FAM185A: variants seen among roughly 807,000 people sequenced by gnomAD.
FAM185A encodes protein FAM185A.
In FAM185A, 21 loss-of-function variants were observed where a neutral mutation model predicts 45.7. The observed-to-expected ratio is 0.46, with a 90% CI of 0.33 to 0.66. The LOEUF is 0.66. Among genes scored for constraint, FAM185A ranks in the 30% least tolerant of loss-of-function variants. FAM185A has a pLI of 0.03. For synonymous variants in FAM185A, 117 were observed against 194.0 expected (o/e 0.60, Z 3.30); for missense variants, 305 against 485.4 (o/e 0.63, Z 3.49).
At chr7:102,833,182 A>G in the FAM185A span, among the ~76,000 whole-genome samples, 7 of 152,204 alleles carry the variant, frequency 4.6e-5, no homozygotes, top group Admixed American at 2.0e-4. Flanking sequence ...CAGCTTAGTG[A>G]TATTCAAATG....
chr7:102,793,356 C>T (rs1197851325), intron 7 of FAM185A, among the ~76,000 whole-genome samples: 2 of 152,032 alleles, frequency 1.3e-5, no homozygotes, highest in Admixed American at 6.5e-5. Context: ...GGACTACAGG[C>T]GCCCGCCACC....
intron 6 of FAM185A, 41 bp from the exon 7 acceptor site, chr7:102,787,294 A>G (rs1795868229): frequency 7.7e-7 from 1 of 1,302,354 alleles, no homozygotes; most frequent in Non-Finnish European, 1.0e-6. Context: ...GGTACTTTTG[A>G]TTTCTTTATA....
intron 7 of FAM185A, 134 bp from the exon 8 acceptor site, chr7:102,808,156 T>A: frequency 3.1e-6 from 2 of 652,838 alleles, no homozygotes; most frequent in South Asian, 3.8e-5. Flanking sequence ...TCTTTGCAAC[T>A]CCTGCCCAGT....
chr7:102,845,103 T>G, the FAM185A span, among the ~76,000 whole-genome samples: 1 of 152,076 alleles, frequency 6.6e-6, no homozygotes, highest in Non-Finnish European at 1.5e-5. Context: ...GGGGGCTTCG[T>G]CATATAGACA....
intron 4 of FAM185A, among the ~76,000 whole-genome samples, chr7:102,762,345 T>C (rs1302673772): frequency 6.6e-6 from 1 of 152,244 alleles, no homozygotes; most frequent in Non-Finnish European, 1.5e-5. Flanking sequence ...TGGTGTTCAG[T>C]GTCACTCAGC....
At chr7:102,802,817 GA>G (rs543749109) in intron 7 of FAM185A, among the ~76,000 whole-genome samples, 2 of 151,376 alleles carry the variant, frequency 1.3e-5, no homozygotes, top group African/African-American at 4.8e-5. Flanking sequence ...GATTAACCAA[GA>G]AAAAAAAGAG....
chr7:102,759,995 G>A (rs757809796), intron 3 of FAM185A, among the ~76,000 whole-genome samples: 2 of 151,968 alleles, frequency 1.3e-5, no homozygotes, highest in African/African-American at 2.4e-5. Context: ...AATCAAATGA[G>A]CACTATAAAT....
chr7:102,761,941 G>A (rs1454634511), intron 4 of FAM185A, among the ~76,000 whole-genome samples: 1 of 152,212 alleles, frequency 6.6e-6, no homozygotes, highest in African/African-American at 2.4e-5. Context: ...AGGATTACAG[G>A]TGTGAGCCAC....
intron 2 of FAM185A, chr7:102,755,715 C>G: frequency 1.8e-6 from 1 of 563,050 alleles, no homozygotes; most frequent in South Asian, 1.8e-5. Flanking sequence ...ACTGGGATGT[C>G]TAGTTCACAG....
the FAM185A span, among the ~76,000 whole-genome samples, chr7:102,833,226 G>A: frequency 6.6e-6 from 1 of 152,084 alleles, no homozygotes; most frequent in Non-Finnish European, 1.5e-5. Context: ...TTGAAGTTAG[G>A]TCTAATGAAG....
intron 7 of FAM185A, among the ~76,000 whole-genome samples, chr7:102,797,427 G>C (rs963363482): frequency 6.6e-6 from 1 of 152,042 alleles, no homozygotes; most frequent in African/African-American, 2.4e-5. Context: ...AGTAAGCCGA[G>C]ATCGCACCAC....
chr7:102,834,107 AAAGAAAG>A, the FAM185A span, among the ~76,000 whole-genome samples: 1 of 115,334 alleles, frequency 8.7e-6, no homozygotes, highest in South Asian at 3.0e-4. Context: ...AGAAAGAAAG[AAAGAAAG>A]AAAGAAAGAA....
the FAM185A span, among the ~76,000 whole-genome samples, chr7:102,847,395 T>C: frequency 2.0e-5 from 3 of 152,204 alleles, no homozygotes; most frequent in Non-Finnish European, 2.9e-5. Context: ...TAAATTATAT[T>C]ATTACTTTTG....
chr7:102,773,923 T>C (rs1247189413), intron 5 of FAM185A, among the ~76,000 whole-genome samples: 7 of 152,138 alleles, frequency 4.6e-5, no homozygotes, highest in African/African-American at 1.7e-4. Flanking sequence ...TTGGTAAGTC[T>C]GTAAATCAGG....
intron 4 of FAM185A, among the ~76,000 whole-genome samples, chr7:102,765,669 A>G (rs1488414910): frequency 6.6e-6 from 1 of 152,230 alleles, no homozygotes; most frequent in Non-Finnish European, 1.5e-5. Flanking sequence ...ATTTTTAAGT[A>G]TAGCTAACTA....
chr7:102,806,884 C>G (rs549949271), intron 7 of FAM185A, among the ~76,000 whole-genome samples: 1 of 152,162 alleles, frequency 6.6e-6, no homozygotes, highest in South Asian at 2.1e-4. Context: ...AGCTGAGCTT[C>G]TGGGGAGACG....
At chr7:102,805,115 A>C (rs1456511218) in intron 7 of FAM185A, among the ~76,000 whole-genome samples, 1 of 152,200 alleles carries the variant, frequency 6.6e-6, no homozygotes, top group Admixed American at 6.5e-5. Flanking sequence ...TATGGAAAAC[A>C]GTGTAGAGAT....
the FAM185A span, chr7:102,822,123 A>C: frequency 6.2e-7 from 1 of 1,614,220 alleles, no homozygotes; most frequent in Non-Finnish European, 8.5e-7. Flanking sequence ...TTTGGTCAGT[A>C]AGCAAGACAC....
At chr7:102,786,264 T>C (rs1300187977) in intron 6 of FAM185A, among the ~76,000 whole-genome samples, 1 of 152,222 alleles carries the variant, frequency 6.6e-6, no homozygotes, top group African/African-American at 2.4e-5. Flanking sequence ...ATTGTGGAAG[T>C]CAGTGTAGCG....
Sources: gnomAD v4.1 joint callset for allele counts (sites outside exome capture counted in the v4.1 genomes callset) on GRCh38, gnomAD v4.1.1 for gene constraint, MANE v1.5 for transcripts, NCBI Gene and HGNC (gene_info 2026-07-23, HGNC 2026-07-21) for gene names.